The following GPR39 variants were observed in gnomAD, a reference collection of about 807,000 sequenced individuals.
GPR39 encodes G protein-coupled receptor 39.
GPR39 carries 23 observed loss-of-function variants against 18.4 expected under a neutral mutation model. The ratio of observed to expected loss-of-function variants is 1.25; its 90% CI spans 0.90 to 1.77. The LOEUF (loss-of-function observed/expected upper bound fraction) is 1.77, where lower values mean the gene tolerates loss of function less well. Ranked by LOEUF, GPR39 falls within the 40% of genes most tolerant of loss-of-function variation. The probability of loss-of-function intolerance (pLI) is 0.00; values close to 1 mark genes in which losing one functional copy is unlikely to be tolerated. For missense variants in GPR39, 647 were observed against 602.4 expected (o/e 1.07, Z -0.78); for synonymous variants, 280 against 257.9 (o/e 1.09, Z -0.82).
intron 1 of GPR39, among the ~76,000 whole-genome samples, chr2:132,484,278 C>T (rs574228879): frequency 6.6e-6 from 1 of 152,300 alleles, no homozygotes; most frequent in East Asian, 1.9e-4. Context: ...AATTCTGTGT[C>T]CTTTGTGTCC....
intron 1 of GPR39, among the ~76,000 whole-genome samples, chr2:132,548,154 G>A (rs550620684): frequency 1.3e-5 from 2 of 152,234 alleles, no homozygotes; most frequent in South Asian, 2.1e-4. Flanking sequence ...AACCTTTCAA[G>A]GATGTAATAG....
At chr2:132,448,003 A>T (rs1680567778) in intron 1 of GPR39, among the ~76,000 whole-genome samples, 1 of 152,206 alleles carries the variant, frequency 6.6e-6, no homozygotes, top group African/African-American at 2.4e-5. Flanking sequence ...TTTAAGGCAG[A>T]CCTAGATCTT....
chr2:132,507,886 C>T (rs748790598), intron 1 of GPR39, among the ~76,000 whole-genome samples: 33 of 152,186 alleles, frequency 2.2e-4, no homozygotes, highest in African/African-American at 5.8e-4. Flanking sequence ...ATCTTTGGAA[C>T]GTGTCGCCCT....
At chr2:132,420,512 T>C (rs1448384466) in intron 1 of GPR39, among the ~76,000 whole-genome samples, 3 of 152,240 alleles carry the variant, frequency 2.0e-5, no homozygotes, top group Non-Finnish European at 4.4e-5. Context: ...GAATTTAATA[T>C]AGTAATTTAG....
At chr2:132,493,527 T>TATACACCATATATATATATATATATAC (rs1553451805) in intron 1 of GPR39, among the ~76,000 whole-genome samples, 2 of 129,986 alleles carry the variant, frequency 1.5e-5, no homozygotes, top group African/African-American at 3.1e-5. Context: ...TATATATATA[T>TATACACCATATATATATATATATATAC]ACACACACCA....
chr2:132,553,423 AATATATACAT>A (rs896571070), intron 1 of GPR39, among the ~76,000 whole-genome samples: 2 of 151,030 alleles, frequency 1.3e-5, no homozygotes, highest in Non-Finnish European at 2.9e-5. Flanking sequence ...TACACACACA[AATATATACAT>A]ATATATATAT....
chr2:132,580,625 T>A (rs958351926), intron 1 of GPR39, among the ~76,000 whole-genome samples: 1 of 152,176 alleles, frequency 6.6e-6, no homozygotes, highest in African/African-American at 2.4e-5. Context: ...CTGTGTGGTA[T>A]CCAAATCCAG....
intron 1 of GPR39, among the ~76,000 whole-genome samples, chr2:132,575,848 A>G (rs1181799383): frequency 1.3e-5 from 2 of 152,092 alleles, no homozygotes; most frequent in East Asian, 1.9e-4. Context: ...GCATAAGGAG[A>G]TGGAGCTTTG....
chr2:132,569,340 A>G (rs1334593465), intron 1 of GPR39, among the ~76,000 whole-genome samples: 12 of 152,098 alleles, frequency 7.9e-5, no homozygotes, highest in Non-Finnish European at 1.3e-4. Context: ...AAGTCAGCAC[A>G]GATGTTGGGC....
Position 132,417,393 on chromosome 2 carries a change from C to G in GPR39, c.351C>G (p.Ala117=). The G allele has an allele frequency of 6.2e-7, 1 of 1,614,202 alleles. No homozygotes were observed. Among genetic ancestry groups the G allele is most frequent in the South Asian group, 1.1e-5 (1 of 91,088 alleles). ...SCKLHTFLFE[A]CSYATLLHVL... is the part of the protein sequence containing the mutation. ...AGCTGCACACTTTCCTCTTCGAGGCCTGCAGCTACGCTACGCTGCTGCACG... is the reference window on the plus strand; with the variant it reads ...AGCTGCACACTTTCCTCTTCGAGGCGTGCAGCTACGCTACGCTGCTGCACG... The change falls in exon 1 of 2, where the codon GCC becomes GCG. Residue 117 remains alanine (A), a synonymous_variant. Transcript: ENST00000329321.
intron 1 of GPR39, among the ~76,000 whole-genome samples, chr2:132,434,041 G>A (rs1241508016): frequency 6.6e-6 from 1 of 152,014 alleles, no homozygotes; most frequent in Non-Finnish European, 1.5e-5. Flanking sequence ...AGCAGCTTCT[G>A]ATGATCAAGA....
rs187756656 is a variant in GPR39 at position 132,553,639 on chromosome 2, G to A, written c.857-91462G>A. On this transcript the variant is annotated intron_variant, in intron 1 of 1. Coordinates refer to ENST00000329321, the MANE Select transcript of GPR39 (RefSeq NM_001508.3). ...TGCCCTGAGTGAGCACAGAGCTCAC[G>A]GGGTGTGCAGGGGCAGGCACGGCTG... Among the ~76,000 whole-genome samples, 67 of 152,104 alleles carry A rather than the reference G, an allele frequency of 4.4e-4. No individual in the cohort carries two copies. The East Asian group carries it at 0.01, about 24-fold the overall frequency.
chr2:132,473,500 T>C (rs990273739), intron 1 of GPR39, among the ~76,000 whole-genome samples: 2 of 152,132 alleles, frequency 1.3e-5, no homozygotes, highest in Non-Finnish European at 1.5e-5. Flanking sequence ...GTTGAAGGTG[T>C]ACTGTAGTCC....
In GPR39 at chr2:132,518,051, A is replaced by G. The variant is rs114902795; in HGVS notation, c.856+100153A>G. Among the ~76,000 whole-genome samples, 915 of 152,322 alleles carry G rather than the reference A, an allele frequency of 6.0e-3. 11 individuals are homozygous for G. The highest frequency in any genetic ancestry group is 0.021 in the African/African-American group (882 of 41,556). On this transcript the variant is annotated intron_variant, in intron 1 of 1. Transcript: ENST00000329321. Reference sequence around the variant, plus strand: ...GGCTTATATTCTTCACTTTAATAACAATCTGTAATTTCCTGAGTCATAATA... The same window carrying G: ...GGCTTATATTCTTCACTTTAATAACGATCTGTAATTTCCTGAGTCATAATA...
rs539491954 is a variant in GPR39, at chr2:132,598,920, G to A, written c.857-46181G>A. On this transcript the variant is annotated intron_variant, in intron 1 of 1. Coordinates refer to ENST00000329321, the MANE Select transcript of GPR39 (RefSeq NM_001508.3). ...AGGCACATGGAGAGCATCCAGGCACGAGAAAGAAAGGGATGAGCTGCTGGA... is the reference window on the plus strand; with the variant it reads ...AGGCACATGGAGAGCATCCAGGCACAAGAAAGAAAGGGATGAGCTGCTGGA... Among the ~76,000 whole-genome samples, 4 of 152,292 alleles carry A rather than the reference G, an allele frequency of 2.6e-5. No individual in the cohort carries two copies. The South Asian group carries it at 6.2e-4, about 24-fold the overall frequency.
At position 132,546,839 on chromosome 2, in the gene GPR39, C is replaced by CAAAAA. The variant is rs60267293; in HGVS notation, c.857-98240_857-98236dup. On this transcript the variant is annotated intron_variant, in intron 1 of 1. Coordinates refer to ENST00000329321, the MANE Select transcript of GPR39 (RefSeq NM_001508.3). Reference sequence around the variant, plus strand: ...TCTCCAGGATGCAGTAGCTCCACAGCAAAAAAAAAAAAAAAAAAAAAAAAA... The same window carrying CAAAAA: ...TCTCCAGGATGCAGTAGCTCCACAGCAAAAAAAAAAAAAAAAAAAAAAAAAAAAAA... Among the ~76,000 whole-genome samples, 17 of 33,974 alleles carry CAAAAA rather than the reference C, an allele frequency of 5.0e-4. 1 individual carries two copies. Among genetic ancestry groups the CAAAAA allele is most frequent in the African/African-American group, 1.4e-3 (16 of 11,072 alleles). The allele number at this position is 33,974 out of a possible 152,430, so 22.3% of individuals were successfully genotyped here.
chr2:132,417,465 C>G lies in GPR39; in HGVS notation c.423C>G (p.Phe141Leu). The change falls in exon 1 of 2, where the codon TTC (phenylalanine) becomes TTG (leucine). Residue 141 changes from phenylalanine to leucine, a missense_variant. Around this residue, in one of 3 missense-constraint regions of GPR39, gnomAD observed 581 missense variants for 506.8 expected, o/e 1.15. Transcript: ENST00000329321. ...FERYIAICHPFRYKAVSGPCQ... is the reference protein window; with the variant it reads ...FERYIAICHPLRYKAVSGPCQ... ...GCTACATCGCCATCTGTCACCCCTT[C>G]AGGTACAAGGCTGTGTCGGGACCTT... 6.2e-7 allele frequency: 1 copy of G among 1,614,180 alleles called. No individual in the cohort carries two copies. Among genetic ancestry groups the G allele is most frequent in the African/African-American group, 1.3e-5 (1 of 75,052 alleles).
At chr2:132,593,984 C>T (rs1244255932) in intron 1 of GPR39, among the ~76,000 whole-genome samples, 2 of 152,118 alleles carry the variant, frequency 1.3e-5, no homozygotes, top group African/African-American at 4.8e-5. Context: ...TTGTCCAGGT[C>T]ACTTTGACTG....
chr2:132,511,546 C>G (rs879904395), intron 1 of GPR39, among the ~76,000 whole-genome samples: 1 of 152,070 alleles, frequency 6.6e-6, no homozygotes, highest in Non-Finnish European at 1.5e-5. Flanking sequence ...GAGTAGGGTT[C>G]ACAAATCAAA....
Sources: gnomAD v4.1 joint callset for allele counts (sites outside exome capture counted in the v4.1 genomes callset) on GRCh38, gnomAD v4.1.1 for gene constraint, gnomAD v4.1.1 regional missense constraint, MANE v1.5 for transcripts, NCBI Gene and HGNC (gene_info 2026-07-23, HGNC 2026-07-21) for gene names.